The following FBLN1 variants were observed in gnomAD, a reference collection of about 807,000 sequenced individuals.
The protein encoded by FBLN1 is fibulin 1, also known as fibulin-1.
FBLN1 carries 34 observed loss-of-function variants against 89.7 expected under a neutral mutation model. That is an observed-to-expected ratio of 0.38 (90% CI 0.29 to 0.50). The LOEUF (loss-of-function observed/expected upper bound fraction) is 0.50, where lower values mean the gene tolerates loss of function less well. Ranked by LOEUF, FBLN1 falls within the 20% of genes least tolerant of loss-of-function variation. The pLI, the probability that FBLN1 is intolerant of heterozygous loss-of-function variation, is 0.92. For missense variants in FBLN1, 777 were observed against 988.1 expected (o/e 0.79, Z 2.86); for synonymous variants, 393 against 391.3 (o/e 1.00, Z -0.05).
At chr22:45,527,736 C>A in intron 3 of FBLN1, 111 bp from the exon 4 acceptor site, 1 of 1,117,282 alleles carries the variant, frequency 9.0e-7, no homozygotes, top group Non-Finnish European at 1.3e-6. Flanking sequence ...AGTCATCACT[C>A]TACAGGTTGT....
chr22:45,514,377 G>A (rs553090112), intron 1 of FBLN1, among the ~76,000 whole-genome samples: 12 of 152,200 alleles, frequency 7.9e-5, no homozygotes, highest in Admixed American at 7.2e-4. Context: ...CTGAAGCTCA[G>A]TTTTCCTCTA....
intron 9 of FBLN1, 108 bp from the exon 10 acceptor site, chr22:45,542,047 C>G: frequency 6.6e-7 from 1 of 1,517,050 alleles, no homozygotes; most frequent in South Asian, 1.1e-5. Context: ...AAATGGAATG[C>G]CTGTTTCCAT....
chr22:45,573,432 T>C (rs2088966743), intron 14 of FBLN1, among the ~76,000 whole-genome samples: 1 of 150,958 alleles, frequency 6.6e-6, no homozygotes, highest in African/African-American at 2.4e-5. Flanking sequence ...TCCCAGCACT[T>C]TGGGAGGCTG....
chr22:45,600,273 C>G lies in FBLN1; in HGVS notation c.1973-34C>G, dbSNP rs774150065. 1.1e-4 allele frequency: 170 copies of G among 1,614,010 alleles called. 2 individuals carry two copies. The Admixed American group carries it at 2.7e-3, about 26-fold the overall frequency. On this transcript the variant is annotated intron_variant, in intron 16 of 16. Transcript: ENST00000327858. ...GATCTCTACGTTGCTGCAGTCCCTT[C>G]TAACTTCCAGCACACCTTCTGCTCT...
Position 45,531,611 on chromosome 22 carries a change from A to G in FBLN1, c.544+287A>G, listed in dbSNP as rs987247769. 1.3e-5 allele frequency among the ~76,000 whole-genome samples: 2 copies of G among 152,236 alleles called. No individual in the cohort carries two copies. The highest frequency in any genetic ancestry group is 2.9e-5 in the Non-Finnish European group (2 of 68,038). Reference sequence around the variant, plus strand: ...TGGAATCCAGGTTTTGCTTTGGTTTACCCTGCAAAGTACCCTTTGGCTGGG... The same window carrying G: ...TGGAATCCAGGTTTTGCTTTGGTTTGCCCTGCAAAGTACCCTTTGGCTGGG... On this transcript the variant is annotated intron_variant, in intron 5 of 16. Transcript: ENST00000327858. This position sits in a 1 kb window ranked among gnomAD's most constrained non-coding sequence, Gnocchi z 4.9.
At chr22:45,593,411 C>T (rs1358309174) in intron 16 of FBLN1, among the ~76,000 whole-genome samples, 1 of 152,130 alleles carries the variant, frequency 6.6e-6, no homozygotes, top group Non-Finnish European at 1.5e-5. Context: ...AGGGGACCTA[C>T]ATTTTTCAAC....
chr22:45,598,493 C>T (rs2089204838), intron 16 of FBLN1, among the ~76,000 whole-genome samples: 1 of 152,226 alleles, frequency 6.6e-6, no homozygotes, highest in African/African-American at 2.4e-5. Context: ...GCCGCAGACA[C>T]TGGGGAGCAG....
chr22:45,518,815 C>G (rs1490508932), intron 2 of FBLN1, 28 bp downstream of exon 2: 1 of 1,546,864 alleles, frequency 6.5e-7, no homozygotes, highest in East Asian at 2.3e-5. Flanking sequence ...CACTGTTTCA[C>G]TGGAACAATG....
At chr22:45,553,529 T>C (rs1363575630) in intron 14 of FBLN1, among the ~76,000 whole-genome samples, 1 of 152,232 alleles carries the variant, frequency 6.6e-6, no homozygotes, top group Non-Finnish European at 1.5e-5. Context: ...CAGTTATGTT[T>C]CTGGTGTTTT....
chr22:45,527,757 G>C, intron 3 of FBLN1, 90 bp from the exon 4 acceptor site: 1 of 1,350,792 alleles, frequency 7.4e-7, no homozygotes, highest in Non-Finnish European at 1.1e-6. Context: ...GTGGACAGGG[G>C]GCTCAGAGAG....
Position 45,551,637 on chromosome 22 carries a change from T to C in FBLN1, c.1697+1022T>C, listed in dbSNP as rs966806049. Among the ~76,000 whole-genome samples, 4 of 152,226 alleles carry C rather than the reference T, an allele frequency of 2.6e-5. No individual in the cohort carries two copies. In the South Asian group the frequency reaches 8.3e-4, roughly 32 times the overall value. Reference sequence around the variant, plus strand: ...CTGTCTGCTTGAAAACCCAACATCTTGTTTCCTTCCTGAGCTTGGGTTAGG... The same window carrying C: ...CTGTCTGCTTGAAAACCCAACATCTCGTTTCCTTCCTGAGCTTGGGTTAGG... On this transcript the variant is annotated intron_variant, in intron 14 of 16. Transcript: ENST00000327858.
Position 45,550,540 on chromosome 22 carries a change from C to T in FBLN1, c.1622C>T (p.Thr541Ile). The change falls in exon 14 of 17, where the codon ACC (threonine) becomes ATC (isoleucine). Residue 541 changes from threonine to isoleucine, a missense_variant. By Grantham distance (89) the Thr-to-Ile change is moderately conservative (BLOSUM62 -1). Transcript: ENST00000327858. This position sits in a 1 kb window ranked among gnomAD's most constrained non-coding sequence, Gnocchi z 8.4. ...TGIHNCSINE[T>I]CFNIQGGFRC... ...ATCCACAACTGCTCCATCAACGAGA[C>T]CTGCTTCAACATCCAGGGCGGCTTC... 6.2e-7 allele frequency: 1 copy of T among 1,614,144 alleles called. No homozygotes were observed. The highest frequency in any genetic ancestry group is 8.5e-7 in the Non-Finnish European group (1 of 1,180,046).
At position 45,587,277 on chromosome 22, in the gene FBLN1, ACG is replaced by A. The variant is rs1399795967; in HGVS notation, c.1972+10170_1972+10171del. On this transcript the variant is annotated intron_variant, in intron 16 of 16. Transcript: ENST00000327858. ...CCATCCCCGCTGCCCGGCCAGAGAG[ACG>A]TCCTCAGCCCAGAGCCCCACTTTTC... 4.1e-5 allele frequency among the ~76,000 whole-genome samples: 6 copies of A among 146,356 alleles called. 1 individual carries two copies. The highest frequency in any genetic ancestry group is 4.5e-4 in the South Asian group (2 of 4,424).
intron 14 of FBLN1, among the ~76,000 whole-genome samples, chr22:45,570,183 G>A (rs2088938679): frequency 6.6e-6 from 1 of 151,704 alleles, no homozygotes; most frequent in Non-Finnish European, 1.5e-5. Flanking sequence ...AGCCAGGCAT[G>A]GTGGCAGGTG....
intron 10 of FBLN1, among the ~76,000 whole-genome samples, chr22:45,543,019 C>A (rs1233223875): frequency 2.0e-5 from 3 of 152,196 alleles, no homozygotes; most frequent in Non-Finnish European, 4.4e-5. Context: ...GTAATCCCAG[C>A]ACTTTGGGAG....
At position 45,588,442 on chromosome 22, in the gene FBLN1, C is replaced by A. The variant is rs1244158225; in HGVS notation, c.1972+11334C>A. On this transcript the variant is annotated intron_variant, in intron 16 of 16. Coordinates refer to ENST00000327858, the MANE Select transcript of FBLN1 (RefSeq NM_006486.3). This position sits in a 1 kb window ranked among gnomAD's most constrained non-coding sequence, Gnocchi z 5.1. ...TCAATTCCACCAAACAATTCCTAGA[C>A]AGAAGAGCCTCCAGGGGTTTATTCG... 6.6e-6 allele frequency among the ~76,000 whole-genome samples: 1 copy of A among 152,212 alleles called. No homozygotes were observed. Among genetic ancestry groups the A allele is most frequent in the Non-Finnish European group, 1.5e-5 (1 of 68,040 alleles).
chr22:45,515,426 G>T (rs2088156787), intron 1 of FBLN1, among the ~76,000 whole-genome samples: 1 of 152,208 alleles, frequency 6.6e-6, no homozygotes. Flanking sequence ...GTTTCCGGAA[G>T]ACCAAAGGAC....
At chr22:45,534,292 C>CAAAAAAAAAAAAAAAAAAAAAAAAA (rs136746) in intron 7 of FBLN1, among the ~76,000 whole-genome samples, 1 of 83,208 alleles carries the variant, frequency 1.2e-5, no homozygotes, top group Non-Finnish European at 2.1e-5. Flanking sequence ...GTACTTTCTA[C>CAAAAAAAAAAAAAAAAAAAAAAAAA]AAAAAAAAAA....
chr22:45,586,544 T>C (rs1449668093), intron 16 of FBLN1, among the ~76,000 whole-genome samples: 1 of 152,212 alleles, frequency 6.6e-6, no homozygotes, highest in Non-Finnish European at 1.5e-5. Flanking sequence ...TTGAGACGTC[T>C]GCCTTGCACA....
Sources: gnomAD v4.1 joint callset for allele counts (sites outside exome capture counted in the v4.1 genomes callset) on GRCh38, gnomAD v4.1.1 for gene constraint, Gnocchi (gnomAD v3.1) non-coding constraint, MANE v1.5 for transcripts, NCBI Gene and HGNC (gene_info 2026-07-23, HGNC 2026-07-21) for gene names.